Variants in LRP10 observed in about 807,000 individuals in gnomAD.
The protein encoded by LRP10 is LDL receptor related protein 10.
LRP10 carries 42 observed loss-of-function variants against 58.5 expected under a neutral mutation model. The ratio of observed to expected loss-of-function variants is 0.72; its 90% CI spans 0.56 to 0.93. LRP10 has a LOEUF of 0.93. Among genes scored for constraint, LRP10 ranks in the 40% least tolerant of loss-of-function variants. The pLI, the probability that LRP10 is intolerant of heterozygous loss-of-function variation, is 0.00. For missense variants in LRP10, 872 were observed against 940.1 expected (o/e 0.93, Z 0.95); for synonymous variants, 377 against 388.5 (o/e 0.97, Z 0.35).
chr14:22,872,240 C>A lies in LRP10; in HGVS notation c.-64C>A. The A allele has an allele frequency of 6.3e-7, 1 of 1,584,936 alleles. No individual in the cohort carries two copies. Among genetic ancestry groups the A allele is most frequent in the Non-Finnish European group, 8.7e-7 (1 of 1,153,614 alleles). On this transcript the variant is annotated 5_prime_UTR_variant, in exon 1 of 7. Transcript: ENST00000359591. ...GGAGCCTGGGCGCCCGGGGCTCCGCCGCGACCCCATCGGGTAGACCACAGA... is the reference window on the plus strand; with the variant it reads ...GGAGCCTGGGCGCCCGGGGCTCCGCAGCGACCCCATCGGGTAGACCACAGA...
Position 22,881,580 on chromosome 14 carries a change from ATT to A in LRP10, c.*4056_*4057del, listed in dbSNP as rs970216707. 1 of 152,188 alleles carries A rather than the reference ATT, an allele frequency of 6.6e-6. No homozygotes were observed. Among genetic ancestry groups the A allele is most frequent in the Non-Finnish European group, 1.5e-5 (1 of 68,042 alleles). 9.4% of individuals were successfully genotyped at this position (152,188 alleles called of 1,614,324 possible). On this transcript the variant is annotated 3_prime_UTR_variant, in exon 7 of 7. Coordinates refer to ENST00000359591, the MANE Select transcript of LRP10 (RefSeq NM_014045.5). ...AATGCATATGAGTGCTTTAAATGTT[ATT>A]TTGTGTGTGTGTGGTGTTGCCTCCC...
At chr14:22,873,607 C>T (rs1363484392) in intron 3 of LRP10, among the ~76,000 whole-genome samples, 161 bp downstream of exon 3, 2 of 151,998 alleles carry the variant, frequency 1.3e-5, no homozygotes, top group African/African-American at 4.8e-5. Flanking sequence ...TCACTGCAAC[C>T]ACCACCTCCC....
chr14:22,875,000 G>T (rs2039986809), intron 3 of LRP10, 55 bp from the exon 4 acceptor site: 1 of 1,350,342 alleles, frequency 7.4e-7, no homozygotes, highest in Non-Finnish European at 9.8e-7. Flanking sequence ...CAGGGGAGGA[G>T]AAAGCCAGCA....
In LRP10 at chr14:22,872,933, G is replaced by A. The variant is rs889375769; in HGVS notation, c.79+151G>A. ...TTTATAGATAAGGAAGCTGAGGCTC[G>A]GTGTGGACCTTCATCTGGTAGTTGC... On this transcript the variant is annotated intron_variant, in intron 2 of 6. Coordinates refer to ENST00000359591, the MANE Select transcript of LRP10 (RefSeq NM_014045.5). The A allele has an allele frequency of 3.9e-5, 29 of 736,554 alleles. No homozygotes were observed. In the Admixed American group the frequency reaches 7.8e-4, roughly 20 times the overall value. The allele number at this position is 736,554 out of a possible 1,614,324, so 45.6% of individuals were successfully genotyped here.
At position 22,872,047 on chromosome 14, in the gene LRP10, C is replaced by A. The variant is rs2039959238; in HGVS notation, c.-257C>A. On this transcript the variant is annotated 5_prime_UTR_variant, in exon 1 of 7. Coordinates refer to ENST00000359591, the MANE Select transcript of LRP10 (RefSeq NM_014045.5). The stretch of plus-strand genomic sequence containing the variant: ...TGCCGAGACCCGGGGCTTCAGGAGC[C>A]GGCCCCGGGAGAGAAGAGTGCGGCG... 3.5e-6 allele frequency: 2 copies of A among 574,092 alleles called. No homozygotes were observed. 35.6% of individuals were successfully genotyped at this position (574,092 alleles called of 1,614,324 possible).
At position 22,872,782 on chromosome 14, in the gene LRP10, G is replaced by A; in HGVS notation, c.79G>A (p.Ala27Thr). 3.7e-6 allele frequency: 6 copies of A among 1,614,146 alleles called. No individual in the cohort carries two copies. In the South Asian group the frequency reaches 6.6e-5, roughly 18 times the overall value. Residue 27 changes from alanine to threonine, a missense_variant and splice_region_variant, in exon 2 of 7, where the codon GCT becomes ACT. Ala to Thr is a moderately conservative substitution (Grantham distance 58). Transcript: ENST00000359591. Reference sequence around the variant, plus strand: ...AGACCGGATTATTTTTCCAAATCATGGTGAGTTGAGGGAACCTCTGGGGCT... The same window carrying A: ...AGACCGGATTATTTTTCCAAATCATAGTGAGTTGAGGGAACCTCTGGGGCT... ...HPDRIIFPNH[A>T]CEDPPAVLLE...
chr14:22,875,526 A>G lies in LRP10; in HGVS notation c.578A>G (p.Asn193Ser), dbSNP rs755195627. The G allele has an allele frequency of 1.4e-5, 23 of 1,614,074 alleles. No homozygotes were observed. The highest frequency in any genetic ancestry group is 2.2e-5 in the South Asian group (2 of 91,070). ...AGACCCGTCCCCTCCCTGCCTTGCAATGTCACCTTGGAGGACTTCTATGGG... is the reference window on the plus strand; with the variant it reads ...AGACCCGTCCCCTCCCTGCCTTGCAGTGTCACCTTGGAGGACTTCTATGGG... ...TPRPVPSLPC[N>S]VTLEDFYGVF... is the part of the protein sequence containing the mutation. The change falls in exon 5 of 7, where the codon AAT becomes AGT. Residue 193 changes from asparagine (N) to serine (S), a missense_variant. By Grantham distance (46) the Asn-to-Ser change is conservative. Coordinates refer to ENST00000359591, the MANE Select transcript of LRP10 (RefSeq NM_014045.5).
rs182290256 is a variant in LRP10, at chr14:22,875,327, A to C, written c.407-28A>C. 1.9e-4 allele frequency: 297 copies of C among 1,597,790 alleles called. No homozygotes were observed. In the African/African-American group the frequency reaches 3.1e-3, roughly 16 times the overall value. ...AGGATCCTGAGGGTTCTGGTGCTTC[A>C]CAGCCCCTCTCCATGGTGCCTCTGC... On this transcript the variant is annotated intron_variant, in intron 4 of 6. Transcript: ENST00000359591.
In LRP10 at chr14:22,876,181, C is replaced by A. The variant is rs769743356; in HGVS notation, c.1233C>A (p.Cys411Ter). 2.5e-6 allele frequency: 4 copies of A among 1,614,080 alleles called. No homozygotes were observed. Among genetic ancestry groups the A allele is most frequent in the Non-Finnish European group, 3.4e-6 (4 of 1,180,046 alleles). The change falls in exon 5 of 7, where the codon TGC becomes TGA. Residue 411 changes from cysteine (C) to a stop codon, truncating the protein, a stop_gained. Coordinates refer to ENST00000359591, the MANE Select transcript of LRP10 (RefSeq NM_014045.5). LOFTEE classifies it high-confidence loss of function. Reference sequence around the variant, plus strand: ...ATTTCCGATGCCGGGACGAGAAGTGCGTGTATGAGACGTGGGTGTGCGATG... The same window carrying A: ...ATTTCCGATGCCGGGACGAGAAGTGAGTGTATGAGACGTGGGTGTGCGATG... Reference protein sequence around the residue: ...PGNFRCRDEKCVYETWVCDGQ... With the variant: ...PGNFRCRDEK
Position 22,877,562 on chromosome 14 carries a change from G to A in LRP10, c.*35G>A. 6.8e-7 allele frequency: 1 copy of A among 1,471,832 alleles called. No homozygotes were observed. The highest frequency in any genetic ancestry group is 9.1e-7 in the Non-Finnish European group (1 of 1,097,042). 91.2% of individuals were successfully genotyped at this position (1,471,832 alleles called of 1,614,324 possible). A position where few individuals can be genotyped will look rare whatever the true frequency, so the allele number is the denominator to read the frequency against. On this transcript the variant is annotated 3_prime_UTR_variant, in exon 7 of 7. Transcript: ENST00000359591. This position sits in a 1 kb window ranked among gnomAD's most constrained non-coding sequence, Gnocchi z 5.1. ...GGGGCTCTACTGAGGCCTCTCCCCT[G>A]GGGGCTCTACTCATAGTGGCACAAC...
At chr14:22,876,550 C>T in intron 5 of LRP10, 139 bp from the exon 6 acceptor site, 2 of 1,346,126 alleles carry the variant, frequency 1.5e-6, no homozygotes. Context: ...GGAGGAGGGA[C>T]CTCAGATGAC....
intron 1 of LRP10, 74 bp from the exon 2 acceptor site, chr14:22,872,664 T>G: frequency 1.3e-6 from 2 of 1,487,628 alleles, no homozygotes; most frequent in Non-Finnish European, 1.9e-6. Flanking sequence ...GATGGCTCCC[T>G]TGAGTTGCTC....
Position 22,879,180 on chromosome 14 carries a change from C to T in LRP10, c.*1653C>T, listed in dbSNP as rs1172562091. The T allele has an allele frequency of 2.2e-6, 1 of 456,642 alleles. No individual in the cohort carries two copies. The highest frequency in any genetic ancestry group is 1.5e-5 in the South Asian group (1 of 64,568). The allele number at this position is 456,642 out of a possible 1,614,324, so 28.3% of individuals were successfully genotyped here. ...CTCCTCAAACCCAGCACTAATTGCACAATTTTCCTCTCTTCTAGTGAGCAA... is the reference window on the plus strand; with the variant it reads ...CTCCTCAAACCCAGCACTAATTGCATAATTTTCCTCTCTTCTAGTGAGCAA... On this transcript the variant is annotated 3_prime_UTR_variant, in exon 7 of 7. Coordinates refer to ENST00000359591, the MANE Select transcript of LRP10 (RefSeq NM_014045.5).
intron 1 of LRP10, 38 bp downstream of exon 1, chr14:22,872,375 C>T: frequency 3.7e-6 from 6 of 1,613,534 alleles, no homozygotes; most frequent in Non-Finnish European, 5.1e-6. Context: ...AGCCTTCTGT[C>T]ACCGGGCCAG....
Position 22,873,457 on chromosome 14 carries a change from G to A in LRP10, c.215+11G>A. 1 of 1,613,462 alleles carries A rather than the reference G, an allele frequency of 6.2e-7. No homozygotes were observed. Among genetic ancestry groups the A allele is most frequent in the Non-Finnish European group, 8.5e-7 (1 of 1,179,710 alleles). On this transcript the variant is annotated intron_variant, in intron 3 of 6. Transcript: ENST00000359591. ...GACTGTCACCATCAGGTGAGAAGCA[G>A]AACAAGAGCAAGAACCCATTCTTCT... is the stretch of plus-strand genomic sequence containing the variant.
chr14:22,877,424 C>T lies in LRP10; in HGVS notation c.2039C>T (p.Thr680Ile). ...ACCCGGAGCCCCCCTGGACCCCACA[C>T]AGCAGTCCTGGCCCTGGAAGATGAG... The part of the protein sequence containing the change: ...GPTRSPPGPH[T>I]AVLALEDEDD... Residue 680 changes from threonine to isoleucine, a missense_variant, in exon 7 of 7, where the codon ACA becomes ATA. By Grantham distance (89) the Thr-to-Ile change is moderately conservative. Transcript: ENST00000359591. The surrounding 1 kb of genome is among the most constrained non-coding windows in gnomAD (Gnocchi z 5.1). 4 of 1,613,854 alleles carry T rather than the reference C, an allele frequency of 2.5e-6. No individual in the cohort carries two copies. Among genetic ancestry groups the T allele is most frequent in the Non-Finnish European group, 3.4e-6 (4 of 1,179,950 alleles).
intron 5 of LRP10, 68 bp from the exon 6 acceptor site, chr14:22,876,621 T>C: frequency 6.4e-7 from 1 of 1,569,178 alleles, no homozygotes; most frequent in Non-Finnish European, 8.7e-7. Context: ...GTGGGAGGAC[T>C]GTCCAGGCTG....
At chr14:22,874,937 T>A in intron 3 of LRP10, 118 bp from the exon 4 acceptor site, 1 of 593,166 alleles carries the variant, frequency 1.7e-6, no homozygotes, top group Non-Finnish European at 2.7e-6. Flanking sequence ...GCCATTTAGA[T>A]CATGGATAAG....
rs1595032898 is a variant in LRP10 at position 22,878,863 on chromosome 14, A to G, written c.*1336A>G. 1 of 267,708 alleles carries G rather than the reference A, an allele frequency of 3.7e-6. No individual in the cohort carries two copies. The highest frequency in any genetic ancestry group is 2.2e-5 in the African/African-American group (1 of 45,870). The allele number at this position is 267,708 out of a possible 1,614,324, so 16.6% of individuals were successfully genotyped here. On this transcript the variant is annotated 3_prime_UTR_variant, in exon 7 of 7. Coordinates refer to ENST00000359591, the MANE Select transcript of LRP10 (RefSeq NM_014045.5). ...GGAATGATTCGCAAGCAGTGTTGGAACCCAGCCCCTAGTGAGCAAAGTGAC... is the reference window on the plus strand; with the variant it reads ...GGAATGATTCGCAAGCAGTGTTGGAGCCCAGCCCCTAGTGAGCAAAGTGAC...
Sources: gnomAD v4.1 joint callset for allele counts (sites outside exome capture counted in the v4.1 genomes callset) on GRCh38, gnomAD v4.1.1 for gene constraint, Gnocchi (gnomAD v3.1) non-coding constraint, MANE v1.5 for transcripts, NCBI Gene and HGNC (gene_info 2026-07-23, HGNC 2026-07-21) for gene names.